MFAP3L: variants seen among roughly 807,000 people sequenced by gnomAD.
MFAP3L encodes the protein microfibrillar-associated protein 3-like.
In MFAP3L, 5 loss-of-function variants were observed where a neutral mutation model predicts 20.0. That is an observed-to-expected ratio of 0.25 (90% CI 0.13 to 0.53). MFAP3L has a LOEUF of 0.53. Among genes scored for constraint, MFAP3L ranks in the 20% least tolerant of loss-of-function variants. The probability of loss-of-function intolerance (pLI) is 0.96; values close to 1 mark genes in which losing one functional copy is unlikely to be tolerated. For missense variants in MFAP3L, 409 were observed against 527.5 expected (o/e 0.78, Z 2.20); for synonymous variants, 219 against 213.0 (o/e 1.03, Z -0.25).
intron 2 of MFAP3L, chr4:169,994,593 T>G: frequency 1.1e-6 from 1 of 949,002 alleles, no homozygotes. Context: ...TGTATTGATA[T>G]GTATTTCTCT....
intron 2 of MFAP3L, chr4:169,995,123 T>C (rs903922868): frequency 6.6e-6 from 1 of 152,206 alleles, no homozygotes; most frequent in Admixed American, 6.5e-5. Flanking sequence ...ATCATCTTTA[T>C]TTTATGGGTT....
chr4:170,016,056 G>A (rs1434775476), intron 1 of MFAP3L, among the ~76,000 whole-genome samples: 2 of 152,034 alleles, frequency 1.3e-5, no homozygotes, highest in African/African-American at 4.8e-5. Context: ...AAAAAAAAGA[G>A]TTGGTATTCA....
chr4:169,996,880 T>C (rs1738214916), intron 2 of MFAP3L, among the ~76,000 whole-genome samples: 1 of 152,188 alleles, frequency 6.6e-6, no homozygotes, highest in African/African-American at 2.4e-5. Flanking sequence ...GCTCCCTCTC[T>C]GCCTGCAAGG....
intron 2 of MFAP3L, chr4:170,002,246 G>C (rs1048830350): frequency 5.1e-6 from 5 of 985,140 alleles, no homozygotes; most frequent in Non-Finnish European, 6.0e-6. Context: ...GATGTGGTGG[G>C]GCACAGAGGG....
chr4:169,997,098 C>G (rs1225853057), intron 2 of MFAP3L, among the ~76,000 whole-genome samples: 2 of 152,052 alleles, frequency 1.3e-5, no homozygotes, highest in Admixed American at 6.6e-5. Flanking sequence ...GGGGGAGGGG[C>G]AGGGAAGACT....
At chr4:170,016,656 C>G (rs563965404) in intron 1 of MFAP3L, among the ~76,000 whole-genome samples, 34 of 152,366 alleles carry the variant, frequency 2.2e-4, no homozygotes, top group African/African-American at 7.0e-4. Flanking sequence ...CAGAAACACA[C>G]TTTGCTCAAA....
chr4:169,995,203 A>G (rs143739167), intron 2 of MFAP3L: 1 of 152,214 alleles, frequency 6.6e-6, no homozygotes, highest in Non-Finnish European at 1.5e-5. Context: ...CTGGATTAAA[A>G]CATACTATTA....
In MFAP3L at chr4:169,994,227, T is replaced by C. The variant is rs182978132; in HGVS notation, c.299-1918A>G. 3.7e-5 allele frequency: 36 copies of C among 985,382 alleles called. No individual in the cohort carries two copies. In the East Asian group the frequency reaches 2.8e-3, roughly 78 times the overall value. The allele number at this position is 985,382 out of a possible 1,614,324, so 61.0% of individuals were successfully genotyped here. On this transcript the variant is annotated intron_variant, in intron 2 of 2. Transcript: ENST00000361618. ...TTTTGTTGGAAAATATAGCAGAAAATAGAGTGGAGGAGGGTGAGAAGGTGA... is the reference window on the plus strand; with the variant it reads ...TTTTGTTGGAAAATATAGCAGAAAACAGAGTGGAGGAGGGTGAGAAGGTGA...
chr4:170,011,042 AT>A (rs1463897403), intron 1 of MFAP3L, among the ~76,000 whole-genome samples: 6 of 152,034 alleles, frequency 3.9e-5, no homozygotes, highest in Non-Finnish European at 1.5e-5. Context: ...GTCTCACGAG[AT>A]CTAACGGTTT....
chr4:169,996,417 T>C (rs567786336), intron 2 of MFAP3L, among the ~76,000 whole-genome samples: 2 of 152,192 alleles, frequency 1.3e-5, no homozygotes, highest in South Asian at 4.2e-4. Context: ...ACACGACCCC[T>C]GACTGCAATA....
rs764123825 is a variant in MFAP3L, at chr4:169,991,837, A to T, written c.771T>A (p.Ile257=). 3 of 1,613,908 alleles carry T rather than the reference A, an allele frequency of 1.9e-6. No individual in the cohort carries two copies. The highest frequency in any genetic ancestry group is 2.2e-5 in the South Asian group (2 of 91,066). The change falls in exon 3 of 3, where the codon ATT becomes ATA. Residue 257 remains isoleucine, a synonymous_variant. Transcript: ENST00000361618. This position sits in a 1 kb window ranked among gnomAD's most constrained non-coding sequence, Gnocchi z 4.9. The part of the protein sequence containing the change: ...IMNCRTIMEE[I]MEVVGLEEQG... ...GCTCCTCCAGCCCAACCACCTCCAT[A>T]ATCTCCTCCATGATAGTCCTGCAGT... is the stretch of plus-strand genomic sequence containing the variant.
intron 2 of MFAP3L, among the ~76,000 whole-genome samples, chr4:170,004,782 G>A (rs752928285): frequency 1.2e-4 from 19 of 152,130 alleles, no homozygotes; most frequent in Non-Finnish European, 1.9e-4. Context: ...TGCTACTTTA[G>A]AACAATGTTC....
intron 1 of MFAP3L, among the ~76,000 whole-genome samples, chr4:170,008,614 G>C (rs537520834): frequency 3.9e-5 from 6 of 152,098 alleles, no homozygotes; most frequent in Non-Finnish European, 8.8e-5. Context: ...GAGGGGCACC[G>C]AACAGCTTGG....
chr4:170,012,857 C>A (rs1739468809), intron 1 of MFAP3L, among the ~76,000 whole-genome samples: 1 of 152,136 alleles, frequency 6.6e-6, no homozygotes, highest in Non-Finnish European at 1.5e-5. Flanking sequence ...TGAACAGCCA[C>A]CAGATGAGCT....
At chr4:170,021,523 G>C (rs756064461) in intron 1 of MFAP3L, among the ~76,000 whole-genome samples, 4 of 152,162 alleles carry the variant, frequency 2.6e-5, no homozygotes, top group Non-Finnish European at 4.4e-5. Context: ...ATAAATTTTA[G>C]TCAAGTCTTA....
intron 2 of MFAP3L, among the ~76,000 whole-genome samples, chr4:169,994,718 A>G (rs1363601933): frequency 6.6e-6 from 1 of 152,228 alleles, no homozygotes; most frequent in Non-Finnish European, 1.5e-5. Context: ...ATTAGGTGAT[A>G]TGTGTGGTTC....
At chr4:170,015,019 G>C (rs1739610156) in intron 1 of MFAP3L, among the ~76,000 whole-genome samples, 1 of 152,188 alleles carries the variant, frequency 6.6e-6, no homozygotes, top group African/African-American at 2.4e-5. Context: ...ATTCACTGCA[G>C]GTCTCCTGCA....
intron 2 of MFAP3L, chr4:169,993,899 C>CG (rs1560967149): frequency 6.5e-6 from 1 of 152,752 alleles, no homozygotes; most frequent in Non-Finnish European, 1.5e-5. Context: ...CCAACCTACT[C>CG]GGTCTGTGAA....
In MFAP3L at chr4:169,992,509, C is replaced by A. The variant is rs1737797739; in HGVS notation, c.299-200G>T. Among the ~76,000 whole-genome samples the A allele has an allele frequency of 6.6e-6, 1 of 152,234 alleles. No individual in the cohort carries two copies. Among genetic ancestry groups the A allele is most frequent in the Admixed American group, 6.5e-5 (1 of 15,286 alleles). On this transcript the variant is annotated intron_variant, in intron 2 of 2. Coordinates refer to ENST00000361618, the MANE Select transcript of MFAP3L (RefSeq NM_021647.8). The surrounding 1 kb of genome is among the most constrained non-coding windows in gnomAD (Gnocchi z 4.3). ...TCCTCACAATAACTCTGCAAGGTGG[C>A]CCCTGACACTGCCTCCGTTTTACAG...
Sources: gnomAD v4.1 joint callset for allele counts (sites outside exome capture counted in the v4.1 genomes callset) on GRCh38, gnomAD v4.1.1 for gene constraint, Gnocchi (gnomAD v3.1) non-coding constraint, MANE v1.5 for transcripts, NCBI Gene and HGNC (gene_info 2026-07-23, HGNC 2026-07-21) for gene names.